The following FAM171B variants were observed in gnomAD, a reference collection of about 807,000 sequenced individuals.
FAM171B encodes family with sequence similarity 171 member B.
A neutral mutation model predicts 75.6 loss-of-function variants in FAM171B; 19 were observed. The ratio of observed to expected loss-of-function variants is 0.25; its 90% confidence interval spans 0.18 to 0.37. The LOEUF (loss-of-function observed/expected upper bound fraction) is 0.37, where lower values mean the gene tolerates loss of function less well. Among genes scored for constraint, FAM171B ranks in the 10% least tolerant of loss-of-function variants. FAM171B has a pLI of 1.00. For synonymous variants in FAM171B, 367 were observed against 361.7 expected (o/e 1.01, Z -0.17); for missense variants, 848 against 982.4 (o/e 0.86, Z 1.83).
rs556373993 is a variant in FAM171B at position 186,725,216 on chromosome 2, C to T, written c.239-15012C>T. ...AAAATTAGCCGGGCGTGGTGGCAGG[C>T]ACCTGTAGTCCCAGCTACTTGGGAG... On this transcript the variant is annotated intron_variant, in intron 1 of 7. Transcript: ENST00000304698. Among the ~76,000 whole-genome samples the T allele has an allele frequency of 1.6e-4, 25 of 151,960 alleles. No individual in the cohort carries two copies. The East Asian group carries it at 3.1e-3, about 19-fold the overall frequency.
intron 1 of FAM171B, among the ~76,000 whole-genome samples, chr2:186,720,949 G>A (rs1345537932): frequency 6.6e-6 from 1 of 152,146 alleles, no homozygotes; most frequent in African/African-American, 2.4e-5. Context: ...TCTCTGGGGT[G>A]CTTGTGCCTC....
chr2:186,700,609 T>A (rs1175792136), intron 1 of FAM171B, among the ~76,000 whole-genome samples: 1 of 152,226 alleles, frequency 6.6e-6, no homozygotes, highest in East Asian at 1.9e-4. Context: ...ATTGTATGAA[T>A]TACCACAGAT....
In FAM171B at chr2:186,751,172, T is replaced by A. The variant is rs143170556; in HGVS notation, c.763T>A (p.Cys255Ser). Residue 255 changes from cysteine to serine, a missense_variant, in exon 5 of 8, where the codon TGT becomes AGT. Physicochemically the swap from Cys to Ser is moderately radical, Grantham distance 112. Coordinates refer to ENST00000304698, the MANE Select transcript of FAM171B (RefSeq NM_177454.4). The part of the protein sequence containing the change: ...NIELTPLAAI[C>S]VKIYSGGKEL... ...TGAATTGACTCCTCTTGCTGCAATA[T>A]GTGTGAAAATATATTCTGGAGGAAA... 2.9e-5 allele frequency: 47 copies of A among 1,609,324 alleles called. No individual in the cohort carries two copies. The highest frequency in any genetic ancestry group is 6.7e-5 in the African/African-American group (5 of 74,816).
At chr2:186,717,855 A>G (rs1480973087) in intron 1 of FAM171B, among the ~76,000 whole-genome samples, 2 of 152,172 alleles carry the variant, frequency 1.3e-5, no homozygotes, top group Admixed American at 6.6e-5. Flanking sequence ...TTGTAATGAC[A>G]TACGGATTTG....
intron 1 of FAM171B, among the ~76,000 whole-genome samples, chr2:186,721,527 C>T (rs932855384): frequency 6.6e-6 from 1 of 151,958 alleles, no homozygotes; most frequent in East Asian, 1.9e-4. Context: ...CTTACTAAGA[C>T]AATAAAGTGA....
rs1448978005 is a variant in FAM171B at position 186,765,837 on chromosome 2, C to A, written c.*3014C>A. 1 of 152,046 alleles carries A rather than the reference C, an allele frequency of 6.6e-6. No homozygotes were observed. The highest frequency in any genetic ancestry group is 2.4e-5 in the African/African-American group (1 of 41,412). The allele number at this position is 152,046 out of a possible 1,614,324, so 9.4% of individuals were successfully genotyped here. On this transcript the variant is annotated 3_prime_UTR_variant, in exon 8 of 8. Transcript: ENST00000304698. ...ATTTTTTGTATTCTTTCAGAGAAAT[C>A]TCATATTTCGGTGTATTTATTGCTG...
chr2:186,736,784 G>C (rs55906244), intron 1 of FAM171B, among the ~76,000 whole-genome samples: 1 of 149,666 alleles, frequency 6.7e-6, no homozygotes, highest in Non-Finnish European at 1.5e-5. Context: ...GTTTAACAAA[G>C]AACGGACAAG....
At chr2:186,728,601 A>G (rs1484228568) in intron 1 of FAM171B, among the ~76,000 whole-genome samples, 1 of 152,244 alleles carries the variant, frequency 6.6e-6, no homozygotes, top group Non-Finnish European at 1.5e-5. Context: ...TTTTGAATTT[A>G]TCCCATTAAA....
chr2:186,739,207 A>G (rs1022986368), intron 1 of FAM171B, among the ~76,000 whole-genome samples: 1 of 152,162 alleles, frequency 6.6e-6, no homozygotes, highest in Non-Finnish European at 1.5e-5. Flanking sequence ...GGAAGTTGCT[A>G]TGGGTGTGTG....
intron 1 of FAM171B, among the ~76,000 whole-genome samples, chr2:186,725,482 C>T (rs933786659): frequency 5.3e-5 from 8 of 152,124 alleles, no homozygotes; most frequent in Non-Finnish European, 1.2e-4. Context: ...CATGCCTCAG[C>T]GCAGAGGGGA....
chr2:186,755,999 A>G (rs2105791557), intron 6 of FAM171B, among the ~76,000 whole-genome samples: 1 of 152,360 alleles, frequency 6.6e-6, no homozygotes, highest in South Asian at 2.1e-4. Flanking sequence ...ATTTAATTTC[A>G]TACAACTCAC....
chr2:186,740,559 G>A, intron 2 of FAM171B, 98 bp downstream of exon 2: 1 of 1,054,408 alleles, frequency 9.5e-7, no homozygotes, highest in Non-Finnish European at 1.4e-6. Context: ...AGCTGAAAAT[G>A]AAAATGCTTA....
chr2:186,743,810 C>T (rs1177929569), intron 3 of FAM171B, among the ~76,000 whole-genome samples: 1 of 152,172 alleles, frequency 6.6e-6, no homozygotes, highest in African/African-American at 2.4e-5. Context: ...CAAACAGGCA[C>T]ACTGTAGAGA....
intron 1 of FAM171B, among the ~76,000 whole-genome samples, chr2:186,701,565 T>C (rs570871722): frequency 6.6e-6 from 1 of 152,336 alleles, no homozygotes; most frequent in South Asian, 2.1e-4. Context: ...ACTTACTTTT[T>C]TCTGTTCAAG....
chr2:186,733,203 A>C (rs770603849), intron 1 of FAM171B, among the ~76,000 whole-genome samples: 19 of 152,180 alleles, frequency 1.2e-4, no homozygotes, highest in Non-Finnish European at 1.5e-4. Flanking sequence ...AATGGATTTG[A>C]TGTTACAAAT....
chr2:186,738,941 T>C (rs1690246336), intron 1 of FAM171B, among the ~76,000 whole-genome samples: 1 of 152,190 alleles, frequency 6.6e-6, no homozygotes, highest in South Asian at 2.1e-4. Context: ...AATGTACCTA[T>C]ACAAACCTAG....
At chr2:186,726,460 C>A (rs1243201150) in intron 1 of FAM171B, among the ~76,000 whole-genome samples, 1 of 151,998 alleles carries the variant, frequency 6.6e-6, no homozygotes, top group Admixed American at 6.6e-5. Flanking sequence ...ACTGATTAAA[C>A]CCTTTCCACC....
intron 5 of FAM171B, among the ~76,000 whole-genome samples, chr2:186,753,407 TA>T (rs1441817734): frequency 6.6e-6 from 1 of 152,224 alleles, no homozygotes; most frequent in Non-Finnish European, 1.5e-5. Flanking sequence ...AAACATGTAT[TA>T]ATATCAAGAA....
At chr2:186,698,609 G>A (rs1338587539) in intron 1 of FAM171B, among the ~76,000 whole-genome samples, 1 of 152,070 alleles carries the variant, frequency 6.6e-6, no homozygotes, top group Non-Finnish European at 1.5e-5. Flanking sequence ...TCACATCAGG[G>A]TAAACATTTA....
Sources: gnomAD v4.1 joint callset for allele counts (sites outside exome capture counted in the v4.1 genomes callset) on GRCh38, gnomAD v4.1.1 for gene constraint, MANE v1.5 for transcripts, NCBI Gene and HGNC (gene_info 2026-07-23, HGNC 2026-07-21) for gene names.